PCDH1: variants seen among roughly 807,000 people sequenced by gnomAD.
PCDH1 encodes the protein protocadherin-1.
A neutral mutation model predicts 74.6 loss-of-function variants in PCDH1; 23 were observed. The ratio of observed to expected loss-of-function variants is 0.31; its 90% confidence interval spans 0.22 to 0.44. The LOEUF is 0.44. Ranked by LOEUF, PCDH1 falls within the 20% of genes least tolerant of loss-of-function variation. PCDH1 has a pLI of 1.00. For missense variants in PCDH1, 1,214 were observed against 1,641.4 expected (o/e 0.74, Z 4.50); for synonymous variants, 647 against 686.1 (o/e 0.94, Z 0.89).
chr5:141,878,307 G>T lies in PCDH1; in HGVS notation c.-45C>A, dbSNP rs1413064088. The T allele has an allele frequency of 1.7e-6, 2 of 1,206,006 alleles. No individual in the cohort carries two copies. The highest frequency in any genetic ancestry group is 3.2e-5 in the African/African-American group (2 of 62,688). 74.7% of individuals were successfully genotyped at this position (1,206,006 alleles called of 1,614,324 possible). On this transcript the variant is annotated 5_prime_UTR_variant, in exon 1 of 5. Coordinates refer to ENST00000287008, the MANE Select transcript of PCDH1 (RefSeq NM_032420.5). The surrounding 1 kb of genome is among the most constrained non-coding windows in gnomAD (Gnocchi z 5.5). ...CCTGGGCTGCGGCTCCGCACGGCTG[G>T]GGCTGGAGCTGCAGTTCGGGCTCCG...
In PCDH1 at chr5:141,854,039, G is replaced by C; in HGVS notation, c.*3C>G. 4 of 1,497,698 alleles carry C rather than the reference G, an allele frequency of 2.7e-6. No individual in the cohort carries two copies. Among genetic ancestry groups the C allele is most frequent in the Non-Finnish European group, 3.6e-6 (4 of 1,123,908 alleles). 92.8% of individuals were successfully genotyped at this position (1,497,698 alleles called of 1,614,324 possible). A position where few individuals can be genotyped will look rare whatever the true frequency, so the allele number is the denominator to read the frequency against. On this transcript the variant is annotated 3_prime_UTR_variant, in exon 5 of 5. Coordinates refer to ENST00000287008, the MANE Select transcript of PCDH1 (RefSeq NM_032420.5). ...GAGGGGGGCCGGCCGGCCAGTAGGGGGCTCACAGGTAGATCTCGCGCTTGG... is the reference window on the plus strand; with the variant it reads ...GAGGGGGGCCGGCCGGCCAGTAGGGCGCTCACAGGTAGATCTCGCGCTTGG...
intron 3 of PCDH1, among the ~76,000 whole-genome samples, chr5:141,861,835 C>G (rs1752576735): frequency 6.6e-6 from 1 of 151,752 alleles, no homozygotes; most frequent in African/African-American, 2.4e-5. Context: ...CAGGGCAGAC[C>G]CAGGAGAGCA....
Position 141,869,180 on chromosome 5 carries a change from A to G in PCDH1, c.292T>C (p.Tyr98His). 1 of 1,613,970 alleles carries G rather than the reference A, an allele frequency of 6.2e-7. No individual in the cohort carries two copies. The highest frequency in any genetic ancestry group is 1.1e-5 in the South Asian group (1 of 91,064). ...HLYKLEVGAP[Y>H]LRVDGKTGDI... The stretch of plus-strand genomic sequence containing the variant: ...CCTGTCTTGCCATCCACGCGAAGGT[A>G]CGGGGCACCCACCTCTAGCTTGTAC... The change falls in exon 2 of 5, where the codon TAC (tyrosine) becomes CAC (histidine). Residue 98 changes from tyrosine (Y) to histidine (H), a missense_variant. By Grantham distance (83) the Tyr-to-His change is moderately conservative. Coordinates refer to ENST00000287008, the MANE Select transcript of PCDH1 (RefSeq NM_032420.5). This position sits in a 1 kb window ranked among gnomAD's most constrained non-coding sequence, Gnocchi z 4.9.
chr5:141,856,845 C>T (rs973516594), intron 4 of PCDH1, among the ~76,000 whole-genome samples: 1 of 152,196 alleles, frequency 6.6e-6, no homozygotes, highest in Non-Finnish European at 1.5e-5. Context: ...CACCACCCAC[C>T]TTCTCAAGGT....
intron 1 of PCDH1, among the ~76,000 whole-genome samples, chr5:141,875,146 A>G (rs899794603): frequency 6.6e-6 from 1 of 152,212 alleles, no homozygotes; most frequent in Admixed American, 6.5e-5. Context: ...TCATGCCTAT[A>G]AGGTCTATTA....
rs572735900 is a variant in PCDH1, at chr5:141,858,258, G to T, written c.3100-787C>A. 1.5e-3 allele frequency among the ~76,000 whole-genome samples: 230 copies of T among 152,298 alleles called. 1 individual carries two copies. The highest frequency in any genetic ancestry group is 5.1e-3 in the African/African-American group (211 of 41,556). On this transcript the variant is annotated intron_variant, in intron 3 of 4. Transcript: ENST00000287008. ...GGAGTGGAAAAAAAGGGAGGAGCCT[G>T]ATAACAAACCAGGGCACCTGGGGGA...
Position 141,853,819 on chromosome 5 carries a change from T to G in PCDH1, c.*223A>C. On this transcript the variant is annotated 3_prime_UTR_variant, in exon 5 of 5. Coordinates refer to ENST00000287008, the MANE Select transcript of PCDH1 (RefSeq NM_032420.5). ...TGGGCATCAGATGGGGGAAGCCCCA[T>G]AAAGGGGAAGGGGCCCCTGGGGGCT... The G allele has an allele frequency of 1.4e-4, 55 of 400,510 alleles. No homozygotes were observed. Among genetic ancestry groups the G allele is most frequent in the East Asian group, 2.2e-4 (6 of 27,764 alleles). 24.8% of individuals were successfully genotyped at this position (400,510 alleles called of 1,614,324 possible).
At position 141,853,712 on chromosome 5, in the gene PCDH1, T is replaced by G. The variant is rs1282710798; in HGVS notation, c.*330A>C. 1 of 255,592 alleles carries G rather than the reference T, an allele frequency of 3.9e-6. No homozygotes were observed. The highest frequency in any genetic ancestry group is 5.2e-5 in the Admixed American group (1 of 19,102). 15.8% of individuals were successfully genotyped at this position (255,592 alleles called of 1,614,324 possible). On this transcript the variant is annotated 3_prime_UTR_variant, in exon 5 of 5. Transcript: ENST00000287008. Reference sequence around the variant, plus strand: ...TGAGTTAGAAGTACGCTGCCCACCCTTGACTCCACCATCTGCCCAAATCGA... The same window carrying G: ...TGAGTTAGAAGTACGCTGCCCACCCGTGACTCCACCATCTGCCCAAATCGA...
Position 141,864,148 on chromosome 5 carries a change from G to T in PCDH1, c.2183C>A (p.Pro728His). The stretch of plus-strand genomic sequence containing the variant: ...GACCGTCTCACCAAGACGTGTCTGG[G>T]GGGTCAGCAGCTTGTGAGAGGTGTT... ...PSNTSHKLLT[P>H]QTRLGETVSQ... Residue 728 changes from proline to histidine, a missense_variant, in exon 3 of 5, where the codon CCC becomes CAC. By Grantham distance (77) the Pro-to-His change is moderately conservative. Coordinates refer to ENST00000287008, the MANE Select transcript of PCDH1 (RefSeq NM_032420.5). The surrounding 1 kb of genome is among the most constrained non-coding windows in gnomAD (Gnocchi z 5.9). 6.2e-7 allele frequency: 1 copy of T among 1,608,596 alleles called. No homozygotes were observed. Among genetic ancestry groups the T allele is most frequent in the Non-Finnish European group, 8.5e-7 (1 of 1,175,938 alleles).
chr5:141,870,835 G>A (rs1753074800), intron 1 of PCDH1, among the ~76,000 whole-genome samples: 1 of 152,092 alleles, frequency 6.6e-6, no homozygotes, highest in African/African-American at 2.4e-5. Context: ...TGGATCAGCA[G>A]TTTCTTTGGA....
chr5:141,876,984 G>T (rs1192629017), intron 1 of PCDH1, among the ~76,000 whole-genome samples: 7 of 152,278 alleles, frequency 4.6e-5, no homozygotes, highest in African/African-American at 1.7e-4. Context: ...GTTCGGCCCG[G>T]GAGTGGGGGT....
rs1752220878 is a variant in PCDH1 at position 141,854,039 on chromosome 5, G to A, written c.*3C>T. 2 of 1,497,698 alleles carry A rather than the reference G, an allele frequency of 1.3e-6. No homozygotes were observed. The highest frequency in any genetic ancestry group is 4.6e-5 in the East Asian group (2 of 43,186). The allele number at this position is 1,497,698 out of a possible 1,614,324, so 92.8% of individuals were successfully genotyped here. ...GAGGGGGGCCGGCCGGCCAGTAGGG[G>A]GCTCACAGGTAGATCTCGCGCTTGG... On this transcript the variant is annotated 3_prime_UTR_variant, in exon 5 of 5. Coordinates refer to ENST00000287008, the MANE Select transcript of PCDH1 (RefSeq NM_032420.5).
rs1311391628 is a variant in PCDH1 at position 141,865,728 on chromosome 5, A to G, written c.904-301T>C. Among the ~76,000 whole-genome samples the G allele has an allele frequency of 1.3e-5, 2 of 152,226 alleles. No individual in the cohort carries two copies. The highest frequency in any genetic ancestry group is 2.9e-5 in the Non-Finnish European group (2 of 68,038). On this transcript the variant is annotated intron_variant, in intron 2 of 4. Coordinates refer to ENST00000287008, the MANE Select transcript of PCDH1 (RefSeq NM_032420.5). This position sits in a 1 kb window ranked among gnomAD's most constrained non-coding sequence, Gnocchi z 4.4. ...ATTAAACCTCACTTGTCATTGCTGT[A>G]TGGGTCCACAAAAATACCAGGAGAG...
At chr5:141,858,271 G>C (rs1397975491) in intron 3 of PCDH1, among the ~76,000 whole-genome samples, 2 of 152,184 alleles carry the variant, frequency 1.3e-5, no homozygotes, top group Non-Finnish European at 2.9e-5. Context: ...AACAAACCAG[G>C]GCACCTGGGG....
At chr5:141,859,424 C>G (rs761038879) in intron 3 of PCDH1, among the ~76,000 whole-genome samples, 31 of 152,148 alleles carry the variant, frequency 2.0e-4, no homozygotes, top group Non-Finnish European at 4.1e-4. Flanking sequence ...ATTATAAAAG[C>G]CCAGATCAAA....
Position 141,864,680 on chromosome 5 carries a change from C to G in PCDH1, c.1651G>C (p.Ala551Pro), listed in dbSNP as rs1752736579. The G allele has an allele frequency of 1.2e-6, 2 of 1,614,078 alleles. No homozygotes were observed. The highest frequency in any genetic ancestry group is 2.7e-5 in the African/African-American group (2 of 75,048). ...GGTGAGATGGTGAAGAGGCCCTTAG[C>G]AGCCGGCTCAGGCTCCAGAGAGTAA... ...LVYSLEPEPA[A>P]KGLFTISPET... Residue 551 changes from alanine (A) to proline (P), a missense_variant, in exon 3 of 5, where the codon GCT becomes CCT. Physicochemically the swap from Ala to Pro is conservative, Grantham distance 27 (BLOSUM62 -1). This residue lies in a region of PCDH1 where 836 missense variants were observed against 1,182.2 expected (regional missense o/e 0.71). Coordinates refer to ENST00000287008, the MANE Select transcript of PCDH1 (RefSeq NM_032420.5). The surrounding 1 kb of genome is among the most constrained non-coding windows in gnomAD (Gnocchi z 5.9).
intron 3 of PCDH1, among the ~76,000 whole-genome samples, chr5:141,860,176 G>A (rs578034874): frequency 6.6e-6 from 1 of 152,258 alleles, no homozygotes; most frequent in South Asian, 2.1e-4. Flanking sequence ...TCAAAGGAAG[G>A]GAGGGGCAAT....
chr5:141,878,143 C>T lies in PCDH1; in HGVS notation c.40+80G>A, dbSNP rs1753288025. On this transcript the variant is annotated intron_variant, in intron 1 of 4. Transcript: ENST00000287008. This position sits in a 1 kb window ranked among gnomAD's most constrained non-coding sequence, Gnocchi z 5.5. ...GCCCCCGCGGCCTCGCTCCGCCGAG[C>T]GCCCCTCCCTCAGCTCCCGCCGGCC... is the stretch of plus-strand genomic sequence containing the variant. The T allele has an allele frequency of 2.3e-6, 3 of 1,296,758 alleles. No homozygotes were observed. Among genetic ancestry groups the T allele is most frequent in the South Asian group, 3.2e-5 (2 of 63,486 alleles). The allele number at this position is 1,296,758 out of a possible 1,614,324, so 80.3% of individuals were successfully genotyped here. A position where few individuals can be genotyped will look rare whatever the true frequency, so the allele number is the denominator to read the frequency against.
chr5:141,877,789 A>T (rs1007779958), intron 1 of PCDH1, among the ~76,000 whole-genome samples: 6 of 152,150 alleles, frequency 3.9e-5, no homozygotes, highest in Non-Finnish European at 8.8e-5. Context: ...CGGCTGAGTG[A>T]GCCGAGGTAG....
Sources: allele counts gnomAD v4.1 joint callset (sites outside exome capture counted in the v4.1 genomes callset), GRCh38; gene constraint gnomAD v4.1.1; regional missense constraint gnomAD v4.1.1; non-coding constraint Gnocchi (gnomAD v3.1); transcripts MANE v1.5; gene names NCBI Gene and HGNC (gene_info 2026-07-23, HGNC 2026-07-21).